The following HCN1 variants were observed in gnomAD, a reference collection of about 807,000 sequenced individuals.
The protein encoded by HCN1 is potassium/sodium hyperpolarization-activated cyclic nucleotide-gated channel 1.
In HCN1, 13 loss-of-function variants were observed where a neutral mutation model predicts 78.9. That is an observed-to-expected ratio of 0.16 (90% CI 0.11 to 0.26). HCN1 has a LOEUF of 0.26. Ranked by LOEUF, HCN1 falls within the 10% of genes least tolerant of loss-of-function variation. HCN1 has a pLI of 1.00. For missense variants in HCN1, 810 were observed against 1,154.3 expected (o/e 0.70, Z 4.32); for synonymous variants, 552 against 455.5 (o/e 1.21, Z -2.70).
intron 2 of HCN1, among the ~76,000 whole-genome samples, chr5:45,634,978 C>T (rs1038165069): frequency 1.3e-5 from 2 of 152,042 alleles, no homozygotes; most frequent in Non-Finnish European, 2.9e-5. Context: ...CCAAGCATTA[C>T]TGCTAGGTAC....
At chr5:45,373,301 T>C (rs1371199827) in intron 4 of HCN1, among the ~76,000 whole-genome samples, 2 of 120,736 alleles carry the variant, frequency 1.7e-5, no homozygotes, top group Non-Finnish European at 3.2e-5. Context: ...ATATATATTT[T>C]ATATACTATA....
At chr5:45,377,426 C>G (rs1008052658) in intron 4 of HCN1, among the ~76,000 whole-genome samples, 4 of 151,448 alleles carry the variant, frequency 2.6e-5, no homozygotes, top group Non-Finnish European at 5.9e-5. Context: ...ATCTTTTTTG[C>G]TTCTTTCTTT....
At chr5:45,570,222 T>C (rs1743797700) in intron 2 of HCN1, among the ~76,000 whole-genome samples, 1 of 152,112 alleles carries the variant, frequency 6.6e-6, no homozygotes, top group Non-Finnish European at 1.5e-5. Context: ...CTCGCTTTCT[T>C]TTTCTATTTC....
Position 45,337,194 on chromosome 5 carries a change from G to A in HCN1, c.1377+15906C>T, listed in dbSNP as rs890594072. ...CATTGAATGACTAATGCATAAACACGGAGAACTTTTAAAAGTTTTTAAAGT... is the reference window on the plus strand; with the variant it reads ...CATTGAATGACTAATGCATAAACACAGAGAACTTTTAAAAGTTTTTAAAGT... On this transcript the variant is annotated intron_variant, in intron 5 of 7. Coordinates refer to ENST00000303230, the MANE Select transcript of HCN1 (RefSeq NM_021072.4). Among the ~76,000 whole-genome samples the A allele has an allele frequency of 6.6e-5, 10 of 151,768 alleles. No homozygotes were observed. The South Asian group carries it at 1.0e-3, about 16-fold the overall frequency.
In HCN1 at chr5:45,354,664, C is replaced by T. The variant is rs138677360; in HGVS notation, c.1231-1418G>A. On this transcript the variant is annotated intron_variant, in intron 4 of 7. Coordinates refer to ENST00000303230, the MANE Select transcript of HCN1 (RefSeq NM_021072.4). ...TATTGTTTGAACATTCCCTTTTGAA[C>T]ATTAGTACCCTCAAAGGAAATACCA... Among the ~76,000 whole-genome samples the T allele has an allele frequency of 2.2e-3, 341 of 152,070 alleles. 2 individuals are homozygous for T. Among genetic ancestry groups the T allele is most frequent in the Non-Finnish European group, 1.8e-3 (122 of 67,922 alleles).
At chr5:45,495,770 G>C (rs989733761) in intron 2 of HCN1, among the ~76,000 whole-genome samples, 1 of 152,082 alleles carries the variant, frequency 6.6e-6, no homozygotes, top group South Asian at 2.1e-4. Context: ...TTTGAAATAC[G>C]TCCCATGAAT....
intron 2 of HCN1, among the ~76,000 whole-genome samples, chr5:45,614,366 A>T (rs151162257): frequency 6.6e-6 from 1 of 152,144 alleles, no homozygotes; most frequent in Admixed American, 6.6e-5. Context: ...AACTTCAGTT[A>T]AAAAGTAGAA....
intron 5 of HCN1, among the ~76,000 whole-genome samples, chr5:45,344,449 C>A (rs558334244): frequency 1.6e-4 from 25 of 152,234 alleles, no homozygotes; most frequent in African/African-American, 6.0e-4. Flanking sequence ...ACTCAAAAGT[C>A]AACAGTGCAA....
At chr5:45,349,339 C>G (rs1746832714) in intron 5 of HCN1, among the ~76,000 whole-genome samples, 2 of 152,106 alleles carry the variant, frequency 1.3e-5, no homozygotes, top group African/African-American at 4.8e-5. Flanking sequence ...AACAAAGACA[C>G]AACATAACAG....
chr5:45,631,726 A>G (rs554926233), intron 2 of HCN1, among the ~76,000 whole-genome samples: 2 of 152,266 alleles, frequency 1.3e-5, no homozygotes, highest in Admixed American at 1.3e-4. Flanking sequence ...GTCTGTAACA[A>G]TAACATTCTT....
intron 2 of HCN1, among the ~76,000 whole-genome samples, chr5:45,637,429 T>C (rs879723604): frequency 1.2e-4 from 19 of 152,044 alleles, no homozygotes; most frequent in African/African-American, 4.1e-4. Context: ...AGCCCAGTTA[T>C]TTCCCCGACA....
chr5:45,423,659 G>T (rs1740274559), intron 3 of HCN1, among the ~76,000 whole-genome samples: 1 of 151,880 alleles, frequency 6.6e-6, no homozygotes, highest in Admixed American at 6.6e-5. Context: ...ATTCTCATTT[G>T]TAAAAAGCTT....
At chr5:45,292,726 T>C (rs1009671155) in intron 6 of HCN1, among the ~76,000 whole-genome samples, 2 of 151,958 alleles carry the variant, frequency 1.3e-5, no homozygotes, top group Admixed American at 6.6e-5. Context: ...TTCACTACTT[T>C]TCTAAGTTTA....
At chr5:45,660,824 A>G (rs1456434770) in intron 1 of HCN1, among the ~76,000 whole-genome samples, 5 of 134,124 alleles carry the variant, frequency 3.7e-5, no homozygotes, top group Admixed American at 2.3e-4. Context: ...GTGACATACA[A>G]AGAGACTTAG....
At chr5:45,291,333 T>C (rs1275102819) in intron 6 of HCN1, among the ~76,000 whole-genome samples, 3 of 152,034 alleles carry the variant, frequency 2.0e-5, no homozygotes, top group Non-Finnish European at 4.4e-5. Context: ...TATCATGTTC[T>C]GTGTATGCCC....
At chr5:45,349,195 A>T (rs541050758) in intron 5 of HCN1, among the ~76,000 whole-genome samples, 82 of 152,344 alleles carry the variant, frequency 5.4e-4, no homozygotes, top group African/African-American at 1.9e-3. Flanking sequence ...AGTGCAATCA[A>T]ACTAGAACTC....
chr5:45,599,744 T>C (rs1034549217), intron 2 of HCN1, among the ~76,000 whole-genome samples: 3 of 152,174 alleles, frequency 2.0e-5, no homozygotes, highest in African/African-American at 7.2e-5. Context: ...TCGTGATGTT[T>C]GCCATGGATA....
intron 1 of HCN1, among the ~76,000 whole-genome samples, chr5:45,661,683 G>A (rs369303262): frequency 1.0e-4 from 4 of 39,024 alleles, no homozygotes; most frequent in African/African-American, 2.3e-4. Flanking sequence ...ACACCTCTAC[G>A]CAAATAAACT....
intron 2 of HCN1, chr5:45,642,538 G>A (rs536450765): frequency 1.3e-5 from 2 of 152,162 alleles, no homozygotes; most frequent in South Asian, 2.1e-4. Flanking sequence ...ATTTAGAACA[G>A]TGGCAGCTTC....
Sources: allele counts gnomAD v4.1 joint callset (sites outside exome capture counted in the v4.1 genomes callset), GRCh38; gene constraint gnomAD v4.1.1; transcripts MANE v1.5; gene names NCBI Gene and HGNC (gene_info 2026-07-23, HGNC 2026-07-21).